Variants in CNNM3 observed in about 807,000 individuals in gnomAD.
CNNM3 encodes the protein cyclin and CBS domain divalent metal cation transport mediator 3, also known as metal transporter CNNM3.
Under a neutral mutation model 57.1 loss-of-function variants are expected in CNNM3, and 47 were observed. That is an observed-to-expected ratio of 0.82 (90% CI 0.65 to 1.05). The LOEUF (loss-of-function observed/expected upper bound fraction) is 1.05, where lower values mean the gene tolerates loss of function less well. Among genes scored for constraint, CNNM3 ranks in the 50% least tolerant of loss-of-function variants. CNNM3 has a pLI of 0.00. For missense variants in CNNM3, 957 were observed against 973.7 expected (o/e 0.98, Z 0.23); for synonymous variants, 507 against 478.2 (o/e 1.06, Z -0.79).
At chr2:96,827,130 A>G in intron 3 of CNNM3, 148 bp downstream of exon 3, 1 of 868,564 alleles carries the variant, frequency 1.2e-6, no homozygotes, top group Non-Finnish European at 1.7e-6. Flanking sequence ...CCCTGCCAGC[A>G]TCTTGGGTCA....
At chr2:96,819,849 T>C (rs548486506) in intron 1 of CNNM3, among the ~76,000 whole-genome samples, 1 of 152,326 alleles carries the variant, frequency 6.6e-6, no homozygotes, top group South Asian at 2.1e-4. Flanking sequence ...GAAAGTGGTC[T>C]TTCATTTTCC....
At chr2:96,830,371 C>T (rs2079580873) in intron 7 of CNNM3, among the ~76,000 whole-genome samples, 1 of 152,222 alleles carries the variant, frequency 6.6e-6, no homozygotes, top group South Asian at 2.1e-4. Context: ...GCTGTTCTGC[C>T]TGTTCTACAG....
rs545988076 is a variant in CNNM3, at chr2:96,831,970, C to T, written c.2060-582C>T. 8.1e-6 allele frequency: 8 copies of T among 985,876 alleles called. No individual in the cohort carries two copies. The East Asian group carries it at 9.1e-4, about 112-fold the overall frequency. 61.1% of individuals were successfully genotyped at this position (985,876 alleles called of 1,614,324 possible). ...TCTTTCTCTCTCTGCTCTCTTTAGC[C>T]TTCCCAGTAGACCTTTCCCTCTTTG... On this transcript the variant is annotated intron_variant, in intron 7 of 7. Transcript: ENST00000305510.
rs2079357329 is a variant in CNNM3, at chr2:96,818,390, T to TC, written c.1225+888_1225+889insC. Among the ~76,000 whole-genome samples the TC allele has an allele frequency of 2.6e-5, 4 of 151,936 alleles. No individual in the cohort carries two copies. In the South Asian group the frequency reaches 6.3e-4, roughly 24 times the overall value. Reference sequence around the variant, plus strand: ...GAGCCACTGTGCCCGGCCCTTTTTTTTTTTTTTTTGCTTTTTAATCTCCTG... The same window carrying TC: ...GAGCCACTGTGCCCGGCCCTTTTTTTCTTTTTTTTTGCTTTTTAATCTCCTG... On this transcript the variant is annotated intron_variant, in intron 1 of 7. Coordinates refer to ENST00000305510, the MANE Select transcript of CNNM3 (RefSeq NM_017623.5).
rs890961125 is a variant in CNNM3 at position 96,834,263 on chromosome 2, C to T, written c.*1647C>T. ...AGAATCACCTGGCAAATTAAAAATA[C>T]GTGGACCTGCCACCAGAGCTTGTGA... On this transcript the variant is annotated 3_prime_UTR_variant, in exon 8 of 8. Coordinates refer to ENST00000305510, the MANE Select transcript of CNNM3 (RefSeq NM_017623.5). Among the ~76,000 whole-genome samples, 8 of 151,916 alleles carry T rather than the reference C, an allele frequency of 5.3e-5. No individual in the cohort carries two copies. Among genetic ancestry groups the T allele is most frequent in the South Asian group, 2.1e-4 (1 of 4,832 alleles).
chr2:96,832,609 G>GCAAA lies in CNNM3; in HGVS notation c.2118_2119insAAAC (p.Val707LysfsTer7). ...GAAGGCAGCCCTGGGCGGAACCCAG[G>GCAAA]CGTTTAACGGCTCACTAGGCAGCCC... On this transcript the variant is annotated frameshift_variant, in exon 8 of 8. Coordinates refer to ENST00000305510, the MANE Select transcript of CNNM3 (RefSeq NM_017623.5). LOFTEE classifies it high-confidence loss of function. 6.2e-7 allele frequency: 1 copy of GCAAA among 1,613,816 alleles called. No homozygotes were observed. The highest frequency in any genetic ancestry group is 1.3e-5 in the African/African-American group (1 of 75,064).
At chr2:96,826,769 T>G (rs780690838) in intron 2 of CNNM3, 64 bp from the exon 3 acceptor site, 20 of 1,594,936 alleles carry the variant, frequency 1.3e-5, no homozygotes, top group Non-Finnish European at 1.5e-5. Flanking sequence ...ATGCAGCCCC[T>G]TAGTGTGGTC....
chr2:96,819,310 G>T (rs534334479), intron 1 of CNNM3, among the ~76,000 whole-genome samples: 1 of 152,220 alleles, frequency 6.6e-6, no homozygotes, highest in Non-Finnish European at 1.5e-5. Flanking sequence ...TGGAATCAGC[G>T]GAGTAGGTTC....
At chr2:96,821,028 C>T (rs1005479843) in intron 1 of CNNM3, among the ~76,000 whole-genome samples, 10 of 152,100 alleles carry the variant, frequency 6.6e-5, no homozygotes, top group Non-Finnish European at 4.4e-5. Flanking sequence ...TAAAAGCTGC[C>T]TGACAACATG....
chr2:96,837,293 G>C (rs554854517), downstream of CNNM3: 5 of 152,344 alleles, frequency 3.3e-5, no homozygotes, highest in South Asian at 1.0e-3. Context: ...AATTTGAGGA[G>C]AATTGATATC....
At chr2:96,826,619 C>G (rs2079509699) in intron 2 of CNNM3, among the ~76,000 whole-genome samples, 1 of 152,216 alleles carries the variant, frequency 6.6e-6, no homozygotes, top group Non-Finnish European at 1.5e-5. Flanking sequence ...CAGCCAGCTC[C>G]AAGGCAGATA....
intron 7 of CNNM3, among the ~76,000 whole-genome samples, chr2:96,831,167 C>G (rs1236099781): frequency 6.6e-6 from 1 of 152,192 alleles, no homozygotes; most frequent in African/African-American, 2.4e-5. Context: ...GGATTATTCT[C>G]TAGACACAAT....
intron 7 of CNNM3, among the ~76,000 whole-genome samples, chr2:96,829,738 G>A (rs1049939382): frequency 2.0e-5 from 3 of 151,974 alleles, no homozygotes; most frequent in African/African-American, 7.3e-5. Flanking sequence ...TCTCAAGGAC[G>A]TCTTAGAATG....
Position 96,832,815 on chromosome 2 carries a change from G to A in CNNM3, c.*199G>A. 1 of 1,510,634 alleles carries A rather than the reference G, an allele frequency of 6.6e-7. No homozygotes were observed. The allele number at this position is 1,510,634 out of a possible 1,614,324, so 93.6% of individuals were successfully genotyped here. On this transcript the variant is annotated 3_prime_UTR_variant, in exon 8 of 8. Coordinates refer to ENST00000305510, the MANE Select transcript of CNNM3 (RefSeq NM_017623.5). Reference sequence around the variant, plus strand: ...CTTCAGCCGGCCCTGCCCTCCTTTAGGAGACAGGAGTCACCAGGGCACAGC... The same window carrying A: ...CTTCAGCCGGCCCTGCCCTCCTTTAAGAGACAGGAGTCACCAGGGCACAGC...
intron 7 of CNNM3, among the ~76,000 whole-genome samples, chr2:96,830,469 C>T (rs936391355): frequency 1.1e-4 from 16 of 152,324 alleles, no homozygotes; most frequent in East Asian, 7.7e-4. Flanking sequence ...TGCTCAGACC[C>T]ACACTCGAGA....
chr2:96,837,319 C>T (rs914638943), downstream of CNNM3: 2 of 152,218 alleles, frequency 1.3e-5, no homozygotes, highest in Non-Finnish European at 2.9e-5. Flanking sequence ...TGTATTCTGT[C>T]TAGCAATCCA....
chr2:96,824,949 G>A (rs1473853364), intron 1 of CNNM3, 109 bp from the exon 2 acceptor site: 6 of 1,257,176 alleles, frequency 4.8e-6, no homozygotes, highest in Non-Finnish European at 6.8e-6. Flanking sequence ...CTGGCACGTT[G>A]TAGGAGCATG....
intron 1 of CNNM3, among the ~76,000 whole-genome samples, chr2:96,818,375 G>T (rs1485189402): frequency 6.8e-6 from 1 of 147,814 alleles, no homozygotes; most frequent in Non-Finnish European, 1.5e-5. Context: ...GAGCCACTGT[G>T]CCCGGCCCTT....
chr2:96,825,266 C>T (rs530557834), intron 2 of CNNM3, 65 bp downstream of exon 2: 18 of 1,573,878 alleles, frequency 1.1e-5, no homozygotes, highest in South Asian at 4.6e-5. Flanking sequence ...GCGTATGTTG[C>T]GTCAGAGGCC....
Sources: gnomAD v4.1 joint callset for allele counts (sites outside exome capture counted in the v4.1 genomes callset) on GRCh38, gnomAD v4.1.1 for gene constraint, MANE v1.5 for transcripts, NCBI Gene and HGNC (gene_info 2026-07-23, HGNC 2026-07-21) for gene names.